RXFP1: variants seen among roughly 807,000 people sequenced by gnomAD.
RXFP1 encodes the protein relaxin family peptide receptor 1.
In RXFP1, 73 loss-of-function variants were observed where a neutral mutation model predicts 89.8. The ratio of observed to expected loss-of-function variants is 0.81; its 90% confidence interval spans 0.67 to 0.99. RXFP1 has a LOEUF of 0.99. Ranked by LOEUF, RXFP1 falls within the 50% of genes least tolerant of loss-of-function variation. The pLI is 0.00. For synonymous variants in RXFP1, 277 were observed against 305.5 expected, an observed-to-expected ratio of 0.91 and a Z score of 0.97; for missense variants, 793 against 895.5, an observed-to-expected ratio of 0.89 and a Z score of 1.46.
At chr4:158,589,528 G>T (rs553549234) in intron 2 of RXFP1, among the ~76,000 whole-genome samples, 1 of 152,324 alleles carries the variant, frequency 6.6e-6, no homozygotes, top group African/African-American at 2.4e-5. Context: ...GCCTGGTAAT[G>T]AAAGGGCCTG....
chr4:158,533,698 C>T (rs1744606518), intron 1 of RXFP1, among the ~76,000 whole-genome samples: 1 of 152,188 alleles, frequency 6.6e-6, no homozygotes, highest in South Asian at 2.1e-4. Context: ...GATTCTAACT[C>T]AAATATCTTG....
chr4:158,536,306 T>C (rs975590715), intron 1 of RXFP1, among the ~76,000 whole-genome samples: 6 of 152,210 alleles, frequency 3.9e-5, no homozygotes, highest in African/African-American at 1.4e-4. Context: ...TCAATAGTAC[T>C]ACCCATGATA....
intron 17 of RXFP1, among the ~76,000 whole-genome samples, chr4:158,651,326 A>G (rs1378727504): frequency 6.6e-6 from 1 of 152,240 alleles, no homozygotes; most frequent in Admixed American, 6.5e-5. Context: ...AAAGAAATCT[A>G]TTAAATACAA....
At chr4:158,600,152 C>A (rs1435044204) in intron 4 of RXFP1, among the ~76,000 whole-genome samples, 5 of 152,092 alleles carry the variant, frequency 3.3e-5, no homozygotes, top group Non-Finnish European at 5.9e-5. Context: ...TGCTGAGTTT[C>A]TTTTTTCATT....
chr4:158,631,342 C>T (rs1241851983), intron 11 of RXFP1, among the ~76,000 whole-genome samples: 1 of 152,184 alleles, frequency 6.6e-6, no homozygotes, highest in Non-Finnish European at 1.5e-5. Context: ...AAAGATGAAG[C>T]AGATAGACTC....
intron 2 of RXFP1, among the ~76,000 whole-genome samples, chr4:158,583,441 A>G (rs1757745134): frequency 6.6e-6 from 1 of 152,248 alleles, no homozygotes; most frequent in African/African-American, 2.4e-5. Context: ...ACACAGAAGG[A>G]TACACATCAC....
intron 1 of RXFP1, among the ~76,000 whole-genome samples, chr4:158,534,734 T>G (rs915746705): frequency 1.3e-4 from 20 of 151,908 alleles, no homozygotes; most frequent in African/African-American, 3.9e-4. Context: ...AATTTGTCAA[T>G]GTCACGGGCA....
At position 158,646,989 on chromosome 4, in the gene RXFP1, T is replaced by G. The variant is rs1289008511; in HGVS notation, c.1544T>G (p.Val515Gly). The G allele has an allele frequency of 6.2e-7, 1 of 1,614,108 alleles. No homozygotes were observed. The highest frequency in any genetic ancestry group is 8.5e-7 in the Non-Finnish European group (1 of 1,179,946). Residue 515 changes from valine to glycine, a missense_variant, in exon 16 of 18, where the codon GTC (valine) becomes GGC (glycine). By Grantham distance (109) the Val-to-Gly change is moderately radical. Coordinates refer to ENST00000307765, the MANE Select transcript of RXFP1 (RefSeq NM_021634.4). ...ACATTGGAAAAATACATCTGCATTGTCTATCCTTTTAGATGTGTGAGACCT... is the reference window on the plus strand; with the variant it reads ...ACATTGGAAAAATACATCTGCATTGGCTATCCTTTTAGATGTGTGAGACCT... ...FLTLEKYICI[V>G]YPFRCVRPGK...
At chr4:158,605,441 A>T (rs1762394133) in intron 5 of RXFP1, among the ~76,000 whole-genome samples, 1 of 152,232 alleles carries the variant, frequency 6.6e-6, no homozygotes, top group South Asian at 2.1e-4. Context: ...CCTCTGCGTT[A>T]TTCTAGCATG....
At chr4:158,530,910 A>G (rs35159208) in intron 1 of RXFP1, among the ~76,000 whole-genome samples, 288 of 152,284 alleles carry the variant, frequency 1.9e-3, no homozygotes, top group Non-Finnish European at 3.4e-3. Context: ...AATGGAAAAA[A>G]TCTGTACAAA....
intron 1 of RXFP1, among the ~76,000 whole-genome samples, chr4:158,527,564 A>AAAAAAAAAAAAT (rs5741905): frequency 2.0e-5 from 2 of 98,328 alleles, no homozygotes; most frequent in East Asian, 3.2e-4. Context: ...AAAAAAAAAA[A>AAAAAAAAAAAAT]ATATATATAT....
intron 2 of RXFP1, 70 bp from the exon 3 acceptor site, chr4:158,593,331 C>T (rs1166192554): frequency 3.5e-6 from 3 of 860,532 alleles, no homozygotes; most frequent in East Asian, 2.5e-5. Context: ...AAAGAGAGGA[C>T]CTGTCTCCCC....
At position 158,607,054 on chromosome 4, in the gene RXFP1, C is replaced by G. The variant is rs745600438; in HGVS notation, c.465-918C>G. 11 of 1,535,390 alleles carry G rather than the reference C, an allele frequency of 7.2e-6. No individual in the cohort carries two copies. In the South Asian group the frequency reaches 1.2e-4, roughly 17 times the overall value. On this transcript the variant is annotated intron_variant, in intron 5 of 17. Transcript: ENST00000307765. ...ATTGCATATAAACTTTCAGGACACT[C>G]TAAAGAACAATGGTGACCTGCACTC...
intron 1 of RXFP1, among the ~76,000 whole-genome samples, chr4:158,569,412 G>A (rs1754559925): frequency 6.6e-6 from 1 of 152,178 alleles, no homozygotes; most frequent in Non-Finnish European, 1.5e-5. Flanking sequence ...GAACTCCAAT[G>A]TAAACTACGG....
At position 158,647,001 on chromosome 4, in the gene RXFP1, G is replaced by A. The variant is rs1246842518; in HGVS notation, c.1556G>A (p.Arg519Lys). The change falls in exon 16 of 18, where the codon AGA becomes AAA. Residue 519 changes from arginine to lysine, a missense_variant. Arg to Lys is a conservative substitution (Grantham distance 26). Coordinates refer to ENST00000307765, the MANE Select transcript of RXFP1 (RefSeq NM_021634.4). The stretch of plus-strand genomic sequence containing the variant: ...TACATCTGCATTGTCTATCCTTTTA[G>A]ATGTGTGAGACCTGGAAAATGCAGA... The part of the protein sequence containing the change: ...EKYICIVYPF[R>K]CVRPGKCRTI... 4 of 1,614,052 alleles carry A rather than the reference G, an allele frequency of 2.5e-6. No individual in the cohort carries two copies. Among genetic ancestry groups the A allele is most frequent in the Admixed American group, 1.7e-5 (1 of 60,018 alleles).
At chr4:158,540,490 G>A (rs1746344431) in intron 1 of RXFP1, among the ~76,000 whole-genome samples, 1 of 151,686 alleles carries the variant, frequency 6.6e-6, no homozygotes, top group Admixed American at 6.6e-5. Context: ...TCTTGGTTTT[G>A]GAAGGTTTTG....
chr4:158,538,075 C>A (rs1579412201), intron 1 of RXFP1, among the ~76,000 whole-genome samples: 1 of 152,204 alleles, frequency 6.6e-6, no homozygotes, highest in African/African-American at 2.4e-5. Context: ...GTTTGTAGGT[C>A]AAATTAAGTG....
intron 6 of RXFP1, among the ~76,000 whole-genome samples, chr4:158,608,512 A>T (rs538914528): frequency 1.3e-5 from 2 of 151,522 alleles, no homozygotes; most frequent in Admixed American, 1.3e-4. Context: ...AGAAGAAAAA[A>T]CCCAAAGACT....
chr4:158,614,731 T>A (rs1764220281), intron 8 of RXFP1, among the ~76,000 whole-genome samples: 1 of 152,092 alleles, frequency 6.6e-6, no homozygotes, highest in South Asian at 2.1e-4. Context: ...ATCATTTGTG[T>A]GTTCATTGGA....
Sources: allele counts gnomAD v4.1 joint callset (sites outside exome capture counted in the v4.1 genomes callset), GRCh38; gene constraint gnomAD v4.1.1; transcripts MANE v1.5; gene names NCBI Gene and HGNC (gene_info 2026-07-23, HGNC 2026-07-21).